The following SRP68 variants were observed in gnomAD, a reference collection of about 807,000 sequenced individuals.
The protein encoded by SRP68 is signal recognition particle subunit SRP68.
A neutral mutation model predicts 82.2 loss-of-function variants in SRP68; 15 were observed. The ratio of observed to expected loss-of-function variants is 0.18; its 90% CI spans 0.12 to 0.28. SRP68 has a LOEUF of 0.28. Ranked by LOEUF, SRP68 falls within the 10% of genes least tolerant of loss-of-function variation. The probability of loss-of-function intolerance (pLI) is 1.00; values close to 1 mark genes in which losing one functional copy is unlikely to be tolerated. For synonymous variants in SRP68, 261 were observed against 292.6 expected, an observed-to-expected ratio of 0.89 and a Z score of 1.10; for missense variants, 595 against 780.5, an observed-to-expected ratio of 0.76 and a Z score of 2.83.
intron 1 of SRP68, among the ~76,000 whole-genome samples, chr17:76,070,881 A>C (rs1434273636): frequency 1.1e-5 from 1 of 88,742 alleles, no homozygotes; most frequent in Non-Finnish European, 2.3e-5. Flanking sequence ...CACACACACA[A>C]ATTTGTGAAA....
chr17:76,050,227 G>A (rs1163994295), intron 9 of SRP68, among the ~76,000 whole-genome samples: 2 of 152,170 alleles, frequency 1.3e-5, no homozygotes, highest in East Asian at 3.9e-4. Context: ...GGAGGAACAG[G>A]GGAGGGAGAA....
intron 4 of SRP68, among the ~76,000 whole-genome samples, chr17:76,062,896 G>A (rs1246352089): frequency 6.8e-6 from 1 of 146,976 alleles, no homozygotes; most frequent in East Asian, 2.0e-4. Flanking sequence ...TCTGCCTCCT[G>A]AGTAGCTGGG....
At chr17:76,059,038 G>A (rs773210741) in intron 7 of SRP68, among the ~76,000 whole-genome samples, 3 of 152,108 alleles carry the variant, frequency 2.0e-5, no homozygotes, top group African/African-American at 7.2e-5. Context: ...GCAGGAGTTC[G>A]AGAATGAGAC....
chr17:76,053,265 C>CA lies in SRP68; in HGVS notation c.979-2740dup, dbSNP rs34472995. ...TGGGTGACAGGGTGAGACCCTGTCT[C>CA]AAAAAAAAAAAAAAAAAAAAGAAAC... On this transcript the variant is annotated intron_variant, in intron 8 of 15. Coordinates refer to ENST00000307877, the MANE Select transcript of SRP68 (RefSeq NM_014230.4). 2.7e-3 allele frequency among the ~76,000 whole-genome samples: 222 copies of CA among 82,414 alleles called. 2 individuals carry two copies. Among genetic ancestry groups the CA allele is most frequent in the South Asian group, 0.022 (49 of 2,252 alleles). 54.1% of individuals were successfully genotyped at this position (82,414 alleles called of 152,430 possible).
intron 7 of SRP68, among the ~76,000 whole-genome samples, chr17:76,059,176 G>C (rs775520492): frequency 2.3e-4 from 35 of 152,190 alleles, no homozygotes; most frequent in Non-Finnish European, 3.8e-4. Flanking sequence ...TTGAGAGCAG[G>C]AAATCAAGGC....
Position 76,045,515 on chromosome 17 carries a change from G to A in SRP68, c.1300-129C>T, listed in dbSNP as rs1276599055. 5 of 656,418 alleles carry A rather than the reference G, an allele frequency of 7.6e-6. No individual in the cohort carries two copies. The South Asian group carries it at 9.6e-5, about 13-fold the overall frequency. The allele number at this position is 656,418 out of a possible 1,614,324, so 40.7% of individuals were successfully genotyped here. A position where few individuals can be genotyped will look rare whatever the true frequency, so the allele number is the denominator to read the frequency against. ...CCCGAGGTCAATACGATGGGGAAAA[G>A]CCTGTGAAGAGATTGGGCAGCAGCC... On this transcript the variant is annotated intron_variant, in intron 11 of 15. Transcript: ENST00000307877.
At chr17:76,070,881 A>ACAC (rs1555630333) in intron 1 of SRP68, among the ~76,000 whole-genome samples, 1 of 88,742 alleles carries the variant, frequency 1.1e-5, no homozygotes, top group Non-Finnish European at 2.3e-5. Flanking sequence ...CACACACACA[A>ACAC]ATTTGTGAAA....
rs1489360944 is a variant in SRP68, at chr17:76,038,985, C to A, written c.*721G>T. 1 of 172,124 alleles carries A rather than the reference C, an allele frequency of 5.8e-6. No homozygotes were observed. Among genetic ancestry groups the A allele is most frequent in the Non-Finnish European group, 1.3e-5 (1 of 78,978 alleles). 10.7% of individuals were successfully genotyped at this position (172,124 alleles called of 1,614,324 possible). ...CTCTAACATGTGTATCTGGCATCAG[C>A]CTCACCTAGTTGCCGGTAAGTCAGG... On this transcript the variant is annotated 3_prime_UTR_variant, in exon 16 of 16. Coordinates refer to ENST00000307877, the MANE Select transcript of SRP68 (RefSeq NM_014230.4).
chr17:76,041,892 C>CA (rs2066593305), intron 13 of SRP68, among the ~76,000 whole-genome samples: 1 of 149,620 alleles, frequency 6.7e-6, no homozygotes, highest in Non-Finnish European at 1.5e-5. Flanking sequence ...CCTTTGCTTG[C>CA]TTTTTTTTTT....
At chr17:76,062,473 A>G (rs2066759650) in intron 4 of SRP68, among the ~76,000 whole-genome samples, 1 of 123,924 alleles carries the variant, frequency 8.1e-6, no homozygotes, top group Non-Finnish European at 1.6e-5. Flanking sequence ...AAACCCAAAC[A>G]AAGAATATGG....
chr17:76,061,081 G>A, intron 6 of SRP68, 29 bp downstream of exon 6: 1 of 1,355,522 alleles, frequency 7.4e-7, no homozygotes, highest in Non-Finnish European at 1.1e-6. Context: ...TGTTCAAGTT[G>A]AGTATAATGC....
chr17:76,044,014 A>G, intron 12 of SRP68, 56 bp from the exon 13 acceptor site: 1 of 1,557,640 alleles, frequency 6.4e-7, no homozygotes, highest in South Asian at 1.2e-5. Flanking sequence ...CCCAAGACCA[A>G]GGCTTTCCTT....
intron 10 of SRP68, among the ~76,000 whole-genome samples, chr17:76,046,880 G>A (rs9900676): frequency 0.54 from 82,059 of 151,846 alleles, 24,956 homozygotes; most frequent in African/African-American, 0.83. Flanking sequence ...GGCGGAGCTT[G>A]CAGTGAGCCA....
At chr17:76,060,688 T>C in intron 6 of SRP68, 1 of 373,512 alleles carries the variant, frequency 2.7e-6, no homozygotes, top group Non-Finnish European at 4.8e-6. Flanking sequence ...GAGATGATGG[T>C]GTGTCTATAA....
At position 76,060,125 on chromosome 17, in the gene SRP68, C is replaced by CAAAA. The variant is rs1168111688; in HGVS notation, c.837+179_837+182dup. Among the ~76,000 whole-genome samples, 282 of 28,734 alleles carry CAAAA rather than the reference C, an allele frequency of 9.8e-3. 5 individuals are homozygous for CAAAA. The highest frequency in any genetic ancestry group is 0.015 in the Non-Finnish European group (182 of 11,856). 18.9% of individuals were successfully genotyped at this position (28,734 alleles called of 152,430 possible). A position where few individuals can be genotyped will look rare whatever the true frequency, so the allele number is the denominator to read the frequency against. ...TGGGTGACAGAGCGAGACTCCATCT[C>CAAAA]AAAAAAAAAAAAAAAAAAAAAAAAA... On this transcript the variant is annotated intron_variant, in intron 7 of 15. Coordinates refer to ENST00000307877, the MANE Select transcript of SRP68 (RefSeq NM_014230.4).
rs201838668 is a variant in SRP68, at chr17:76,045,273, C to T, written c.1394+19G>A. The T allele has an allele frequency of 7.8e-5, 125 of 1,601,480 alleles. No homozygotes were observed. The African/African-American group carries it at 1.4e-3, about 18-fold the overall frequency. On this transcript the variant is annotated intron_variant, in intron 12 of 15. Transcript: ENST00000307877. ...AACCTGGGAGGCGGAGGAAAACTGC[C>T]CATCCCATGGGACGTTACCTGTAAG... is the stretch of plus-strand genomic sequence containing the variant.
At chr17:76,070,850 G>GCACACA (rs71891783) in intron 1 of SRP68, among the ~76,000 whole-genome samples, 14,774 of 146,800 alleles carry the variant, frequency 0.1, 899 homozygotes, top group Non-Finnish European at 0.14. Context: ...ACATGCACAT[G>GCACACA]CACACACACA....
At chr17:76,050,572 C>T (rs776817523) in intron 8 of SRP68, 46 bp from the exon 9 acceptor site, 2 of 1,489,918 alleles carry the variant, frequency 1.3e-6, no homozygotes, top group Admixed American at 3.4e-5. Context: ...TTGAGCAAAC[C>T]ATAGTCACCT....
intron 1 of SRP68, 47 bp from the exon 2 acceptor site, chr17:76,070,491 A>G: frequency 6.7e-7 from 1 of 1,498,992 alleles, no homozygotes; most frequent in African/African-American, 1.4e-5. Flanking sequence ...GAATCCAAAC[A>G]AATCAAAACC....
Sources: allele counts gnomAD v4.1 joint callset (sites outside exome capture counted in the v4.1 genomes callset), GRCh38; gene constraint gnomAD v4.1.1; transcripts MANE v1.5; gene names NCBI Gene and HGNC (gene_info 2026-07-23, HGNC 2026-07-21).